PCDHA10: variants seen among roughly 807,000 people sequenced by gnomAD.
PCDHA10 encodes protocadherin alpha-10.
In PCDHA10, 45 loss-of-function variants were observed where a neutral mutation model predicts 61.2. The ratio of observed to expected loss-of-function variants is 0.74; its 90% CI spans 0.58 to 0.94. PCDHA10 has a LOEUF of 0.94. Among genes scored for constraint, PCDHA10 ranks in the 40% least tolerant of loss-of-function variants. PCDHA10 has a pLI of 0.00. For synonymous variants in PCDHA10, 602 were observed against 548.8 expected (o/e 1.10, Z -1.35); for missense variants, 1,278 against 1,236.2 (o/e 1.03, Z -0.51).
intron 1 of PCDHA10, among the ~76,000 whole-genome samples, chr5:140,975,052 T>C (rs2096651440): frequency 6.6e-6 from 1 of 152,206 alleles, no homozygotes; most frequent in South Asian, 2.1e-4. Context: ...AGGAAGAATC[T>C]ACTATCGAGC....
chr5:141,008,766 A>G (rs2098390228), intron 3 of PCDHA10, among the ~76,000 whole-genome samples: 1 of 152,246 alleles, frequency 6.6e-6, no homozygotes, highest in Non-Finnish European at 1.5e-5. Context: ...TTTGGCTTGG[A>G]AAGTAAAATT....
intron 1 of PCDHA10, chr5:140,966,633 C>G (rs2096029445): frequency 8.9e-6 from 9 of 1,005,802 alleles, no homozygotes; most frequent in Non-Finnish European, 5.4e-6. Flanking sequence ...CGGCCCCAGG[C>G]GCTTTCTAGA....
At chr5:140,910,780 C>T (rs2075160544) in intron 1 of PCDHA10, among the ~76,000 whole-genome samples, 1 of 152,192 alleles carries the variant, frequency 6.6e-6, no homozygotes, top group South Asian at 2.1e-4. Flanking sequence ...CAAGCTGCAA[C>T]ATTAAATGCA....
chr5:140,857,359 G>T lies in PCDHA10; in HGVS notation c.1311G>T (p.Thr437=), dbSNP rs200721411. ...GGGGCTCGCCTCCGCTGTGGGCCAC[G>T]GCCAGCGTGTCTGTGGAGGTGGCCG... ...RDGGSPPLWA[T]ASVSVEVADV... The change falls in exon 1 of 4, where the codon ACG becomes ACT. Residue 437 remains threonine, a synonymous_variant. Coordinates refer to ENST00000307360, the MANE Select transcript of PCDHA10 (RefSeq NM_018901.4). 3 of 1,598,398 alleles carry T rather than the reference G, an allele frequency of 1.9e-6. No individual in the cohort carries two copies. The South Asian group carries it at 3.3e-5, about 18-fold the overall frequency.
intron 3 of PCDHA10, among the ~76,000 whole-genome samples, chr5:141,000,421 ATTTTTTT>A (rs34755515): frequency 5.7e-4 from 16 of 27,976 alleles, no homozygotes; most frequent in Non-Finnish European, 7.4e-4. Flanking sequence ...ATATATATAT[ATTTTTTT>A]TTTTTTTTTT....
Position 140,894,245 on chromosome 5 carries a change from C to T in PCDHA10, c.2388+35809C>T, listed in dbSNP as rs1273703512. ...AGATGTTGAATGACAATGTAATTTT[C>T]TTTTCTTTACAAGTGGTAGCTTATT... On this transcript the variant is annotated intron_variant, in intron 1 of 3. Coordinates refer to ENST00000307360, the MANE Select transcript of PCDHA10 (RefSeq NM_018901.4). 4.0e-5 allele frequency among the ~76,000 whole-genome samples: 6 copies of T among 151,858 alleles called. No homozygotes were observed. In the East Asian group the frequency reaches 1.2e-3, roughly 29 times the overall value.
intron 1 of PCDHA10, among the ~76,000 whole-genome samples, chr5:140,954,517 A>G (rs1554221451): frequency 6.6e-6 from 1 of 152,182 alleles, no homozygotes; most frequent in Non-Finnish European, 1.5e-5. Flanking sequence ...TTACCTAATG[A>G]TCAGTGATGT....
At chr5:140,880,509 T>G (rs754891409) in intron 1 of PCDHA10, among the ~76,000 whole-genome samples, 134 of 152,182 alleles carry the variant, frequency 8.8e-4, no homozygotes, top group Non-Finnish European at 1.6e-3. Flanking sequence ...TTCTGTTTGG[T>G]CACATCTCTC....
intron 1 of PCDHA10, chr5:140,926,959 G>A: frequency 6.2e-7 from 1 of 1,604,022 alleles, no homozygotes; most frequent in Non-Finnish European, 8.5e-7. Context: ...GGGACAGCTC[G>A]AGTACTCAGT....
At chr5:140,913,203 G>A (rs2076251339) in intron 1 of PCDHA10, among the ~76,000 whole-genome samples, 1 of 152,182 alleles carries the variant, frequency 6.6e-6, no homozygotes, top group African/African-American at 2.4e-5. Flanking sequence ...TGGCAGTGAA[G>A]CCAATGGGTC....
At chr5:140,976,586 T>C (rs1029704575) in intron 1 of PCDHA10, among the ~76,000 whole-genome samples, 2 of 151,988 alleles carry the variant, frequency 1.3e-5, no homozygotes, top group Non-Finnish European at 2.9e-5. Flanking sequence ...AAACACAGAC[T>C]TTTGTGTTAA....
chr5:140,962,050 A>AT (rs1207278188), intron 1 of PCDHA10, among the ~76,000 whole-genome samples: 3 of 151,684 alleles, frequency 2.0e-5, no homozygotes, highest in African/African-American at 7.3e-5. Context: ...TGCCTGGCTA[A>AT]TTTTTTTGTA....
chr5:140,982,094 G>T (rs2096965818), intron 2 of PCDHA10, among the ~76,000 whole-genome samples: 1 of 152,230 alleles, frequency 6.6e-6, no homozygotes, highest in Admixed American at 6.5e-5. Context: ...AGGAACAAGA[G>T]AACCTGCAAG....
At chr5:140,882,392 G>C (rs781850899) in intron 1 of PCDHA10, 4 of 1,614,178 alleles carry the variant, frequency 2.5e-6, no homozygotes, top group South Asian at 1.1e-5. Flanking sequence ...AGCAAAACAC[G>C]GCACCTTCGT....
intron 1 of PCDHA10, among the ~76,000 whole-genome samples, chr5:140,889,948 A>G (rs956594809): frequency 6.6e-6 from 1 of 152,194 alleles, no homozygotes; most frequent in Admixed American, 6.6e-5. Flanking sequence ...TGAGAAGCCA[A>G]ATGGATAGAA....
rs143060335 is a variant in PCDHA10 at position 140,868,584 on chromosome 5, G to A, written c.2388+10148G>A. 748 of 153,118 alleles carry A rather than the reference G, an allele frequency of 4.9e-3. 7 individuals carry two copies. Among genetic ancestry groups the A allele is most frequent in the African/African-American group, 0.016 (680 of 41,552 alleles). The allele number at this position is 153,118 out of a possible 1,614,324, so 9.5% of individuals were successfully genotyped here. A position where few individuals can be genotyped will look rare whatever the true frequency, so the allele number is the denominator to read the frequency against. Reference sequence around the variant, plus strand: ...ATGAGGAACAACACTTTCAGGAAATGTTTAACCCTAGTTTTTCATGAGGCC... The same window carrying A: ...ATGAGGAACAACACTTTCAGGAAATATTTAACCCTAGTTTTTCATGAGGCC... On this transcript the variant is annotated intron_variant, in intron 1 of 3. Transcript: ENST00000307360.
At chr5:140,948,027 G>T (rs530195389) in intron 1 of PCDHA10, among the ~76,000 whole-genome samples, 1 of 151,544 alleles carries the variant, frequency 6.6e-6, no homozygotes, top group Non-Finnish European at 1.5e-5. Flanking sequence ...TTTCTGGTTT[G>T]CTCAGAGTTT....
intron 1 of PCDHA10, among the ~76,000 whole-genome samples, chr5:140,910,495 T>C (rs782513326): frequency 1.3e-5 from 2 of 152,176 alleles, no homozygotes; most frequent in Non-Finnish European, 2.9e-5. Flanking sequence ...AGAAGAGCAA[T>C]CACAAAGCTC....
chr5:140,870,084 C>T (rs782413178), intron 1 of PCDHA10: 1 of 1,613,864 alleles, frequency 6.2e-7, no homozygotes, highest in Non-Finnish European at 8.5e-7. Context: ...AGGGGACTCC[C>T]CCAATGGCAG....
Sources: allele counts gnomAD v4.1 joint callset (sites outside exome capture counted in the v4.1 genomes callset), GRCh38; gene constraint gnomAD v4.1.1; transcripts MANE v1.5; gene names NCBI Gene and HGNC (gene_info 2026-07-23, HGNC 2026-07-21).